NONO: variants seen among roughly 807,000 people sequenced by gnomAD.
NONO encodes the protein non-POU domain-containing octamer-binding protein.
A neutral mutation model predicts 40.2 loss-of-function variants in NONO; 6 were observed. That is an observed-to-expected ratio of 0.15 (90% CI 0.08 to 0.29). The LOEUF (loss-of-function observed/expected upper bound fraction) is 0.29. NONO is among the 10% of genes least tolerant of loss of function. NONO has a pLI of 1.00. For missense variants in NONO, 133 were observed against 397.8 expected (o/e 0.33, Z 5.66); for synonymous variants, 89 against 123.3 (o/e 0.72, Z 1.85).
At chrX:71,288,496 A>AGCC (rs2031252249) in intron 2 of NONO, among the ~76,000 whole-genome samples, 4 of 111,603 alleles carry the variant, frequency 3.6e-5, no homozygotes, top group Admixed American at 1.9e-4. Context: ...GGTTCAAGTG[A>AGCC]TTCTCCTGGC....
At chrX:71,297,335 A>T in intron 7 of NONO, 42 bp from the exon 8 acceptor site, 1 of 1,050,181 alleles carries the variant, frequency 9.5e-7, no homozygotes, top group Admixed American at 2.7e-5. Flanking sequence ...TTAGATCTAT[A>T]TGAAGACAAT....
chrX:71,296,784 C>A, intron 6 of NONO, 67 bp from the exon 7 acceptor site: 2 of 1,106,562 alleles, frequency 1.8e-6, no homozygotes, highest in Non-Finnish European at 2.4e-6. Flanking sequence ...TTGGTCCTCA[C>A]AAGGAATGCA....
intron 4 of NONO, chrX:71,292,190 G>A (rs190215105): frequency 5.7e-5 from 16 of 282,976 alleles, no homozygotes; most frequent in East Asian, 5.6e-4. Context: ...GCTAAAGTAT[G>A]CCCTTTGGAA....
intron 2 of NONO, 26 bp from the exon 3 acceptor site, chrX:71,290,603 T>C (rs774835608): frequency 8.5e-7 from 1 of 1,171,888 alleles, no homozygotes; most frequent in Non-Finnish European, 1.2e-6. Context: ...ACTGAATTTA[T>C]TTATTAGTCT....
At chrX:71,285,379 A>G (rs2031165927) in intron 2 of NONO, among the ~76,000 whole-genome samples, 1 of 111,609 alleles carries the variant, frequency 9.0e-6, no homozygotes, top group Non-Finnish European at 1.9e-5. Context: ...CTCATTTGCC[A>G]TGAAACTGCT....
intron 2 of NONO, among the ~76,000 whole-genome samples, chrX:71,290,300 C>T (rs1326129825): frequency 1.8e-5 from 2 of 112,234 alleles, no homozygotes; most frequent in African/African-American, 3.2e-5. Flanking sequence ...CCTCCCACCT[C>T]CGCCTCCCAA....
chrX:71,298,158 G>T (rs192270568), intron 9 of NONO: 3 of 432,835 alleles, frequency 6.9e-6, no homozygotes, highest in Admixed American at 8.1e-5. Context: ...TTTAGACTCA[G>T]TGACTATAGG....
At chrX:71,290,557 T>C (rs886987161) in intron 2 of NONO, 72 bp from the exon 3 acceptor site, 12 of 884,200 alleles carry the variant, frequency 1.4e-5, no homozygotes, top group Admixed American at 2.4e-5. Context: ...GAATTACATA[T>C]AAGTCATCAG....
intron 2 of NONO, among the ~76,000 whole-genome samples, chrX:71,288,991 T>C (rs768432998): frequency 6.2e-5 from 7 of 112,529 alleles, no homozygotes; most frequent in African/African-American, 2.3e-4. Flanking sequence ...TACTGTGGGC[T>C]AGGATTGGTA....
chrX:71,297,598 TG>T (rs1246086851), intron 8 of NONO, 137 bp downstream of exon 8: 2 of 542,207 alleles, frequency 3.7e-6, no homozygotes, highest in African/African-American at 4.7e-5. Flanking sequence ...GTTCTTTCTT[TG>T]GATTGGAGAT....
Position 71,297,832 on chromosome X carries a change from G to C in NONO, c.1029-4G>C, listed in dbSNP as rs200784440. On this transcript the variant is annotated splice_polypyrimidine_tract_variant and splice_region_variant and intron_variant, in intron 8 of 11. Coordinates refer to ENST00000276079, the MANE Select transcript of NONO (RefSeq NM_007363.5). Reference sequence around the variant, plus strand: ...GTCTTAAATACATTGGTGACTCTCTGTAGGCAGGAGGAAGAGCGCAGGCGC... The same window carrying C: ...GTCTTAAATACATTGGTGACTCTCTCTAGGCAGGAGGAAGAGCGCAGGCGC... 5.2e-4 allele frequency: 624 copies of C among 1,197,011 alleles called. No individual in the cohort carries two copies. Among genetic ancestry groups the C allele is most frequent in the Non-Finnish European group, 6.8e-4 (598 of 883,979 alleles).
intron 11 of NONO, among the ~76,000 whole-genome samples, chrX:71,299,556 G>T (rs1268760883): frequency 2.7e-5 from 3 of 112,188 alleles, no homozygotes; most frequent in Non-Finnish European, 5.6e-5. Flanking sequence ...GGGTTGTTTT[G>T]GTTATGGTGT....
At chrX:71,291,522 C>T (rs180811094) in intron 3 of NONO, among the ~76,000 whole-genome samples, 43 of 110,728 alleles carry the variant, frequency 3.9e-4, no homozygotes, top group African/African-American at 1.4e-3. Flanking sequence ...TGGCCGGTAA[C>T]GCCTATATTT....
chrX:71,288,495 G>T (rs2031252036), intron 2 of NONO, among the ~76,000 whole-genome samples: 1 of 111,783 alleles, frequency 8.9e-6, no homozygotes, highest in Admixed American at 9.5e-5. Context: ...AGGTTCAAGT[G>T]ATTCTCCTGG....
At position 71,284,401 on chromosome X, in the gene NONO, G is replaced by A. The variant is rs766227201; in HGVS notation, c.-62G>A. 8.9e-6 allele frequency: 1 copy of A among 112,075 alleles called. No homozygotes were observed. Among genetic ancestry groups the A allele is most frequent in the Non-Finnish European group, 1.9e-5 (1 of 53,222 alleles). 9.2% of individuals were successfully genotyped at this position (112,075 alleles called of 1,213,427 possible). Reference sequence around the variant, plus strand: ...GTTTCTTTGTGTTTTTAACAGAGAAGTCGAGGTTAGAGGGAACTGGGAGGC... The same window carrying A: ...GTTTCTTTGTGTTTTTAACAGAGAAATCGAGGTTAGAGGGAACTGGGAGGC... On this transcript the variant is annotated 5_prime_UTR_variant, in exon 2 of 12. Transcript: ENST00000276079.
Position 71,294,527 on chromosome X carries a change from A to G in NONO, c.649A>G (p.Thr217Ala). ...CAGTGAAGGCTCCTTCCTGCTAACC[A>G]CGTAAGTGAGGGTCATTTTCAGACG... ...RCSEGSFLLT[T>A]FPRPVTVEPM... is the part of the protein sequence containing the mutation. Residue 217 changes from threonine (T) to alanine (A), a missense_variant and splice_region_variant, in exon 5 of 12, where the codon ACA (threonine) becomes GCA (alanine). Transcript: ENST00000276079. The G allele has an allele frequency of 8.3e-7, 1 of 1,201,135 alleles. No homozygotes were observed. The highest frequency in any genetic ancestry group is 1.1e-6 in the Non-Finnish European group (1 of 888,875).
rs1247741352 is a variant in NONO at position 71,298,453 on chromosome X, A to AT, written c.1132-10dup. 3.3e-6 allele frequency: 4 copies of AT among 1,204,688 alleles called. No individual in the cohort carries two copies. In the Admixed American group the frequency reaches 6.5e-5, roughly 20 times the overall value. On this transcript the variant is annotated splice_polypyrimidine_tract_variant and intron_variant, in intron 9 of 11. Transcript: ENST00000276079. ...ACTGCTGTCTTGGACTGTCTTGAGTATTTTTTGTTTTTCAGAGAGAGCAGG... is the reference window on the plus strand; with the variant it reads ...ACTGCTGTCTTGGACTGTCTTGAGTATTTTTTTGTTTTTCAGAGAGAGCAGG...
At chrX:71,297,265 A>G in intron 7 of NONO, 112 bp from the exon 8 acceptor site, 1 of 777,900 alleles carries the variant, frequency 1.3e-6, no homozygotes, top group Non-Finnish European at 1.9e-6. Context: ...TGGACACCAC[A>G]GGTGGTTCCA....
At chrX:71,283,830 C>G (rs888719316) in intron 1 of NONO, 109 bp downstream of exon 1, 1 of 111,856 alleles carries the variant, frequency 8.9e-6, no homozygotes, top group African/African-American at 3.2e-5. Context: ...GTGGATGGCG[C>G]TTCCGAGGCC....
Sources: gnomAD v4.1 joint callset for allele counts (sites outside exome capture counted in the v4.1 genomes callset) on GRCh38, gnomAD v4.1.1 for gene constraint, MANE v1.5 for transcripts, NCBI Gene and HGNC (gene_info 2026-07-23, HGNC 2026-07-21) for gene names.